Variants in VKORC1L1 observed in about 807,000 individuals in gnomAD.
VKORC1L1 encodes the protein vitamin K epoxide reductase complex subunit 1-like protein 1.
A neutral mutation model predicts 18.9 loss-of-function variants in VKORC1L1; 2 were observed. The observed-to-expected ratio is 0.11, with a 90% CI of 0.04 to 0.33. The LOEUF (loss-of-function observed/expected upper bound fraction) is 0.33. VKORC1L1 is among the 10% of genes least tolerant of loss of function. The pLI is 1.00. For synonymous variants in VKORC1L1, 96 were observed against 100.0 expected (o/e 0.96, Z 0.24); for missense variants, 123 against 224.1 (o/e 0.55, Z 2.88).
chr7:65,870,673 G>A (rs1317338741), upstream of VKORC1L1, among the ~76,000 whole-genome samples: 2 of 152,216 alleles, frequency 1.3e-5, no homozygotes, highest in African/African-American at 4.8e-5. Flanking sequence ...AAAGAAGCCA[G>A]ATGATCAAGA....
chr7:65,951,863 A>C (rs1045694870), intron 2 of VKORC1L1, among the ~76,000 whole-genome samples: 3 of 152,122 alleles, frequency 2.0e-5, no homozygotes, highest in Admixed American at 6.5e-5. Flanking sequence ...AAATGTCTTC[A>C]TTCTTTTCTA....
At chr7:65,951,644 C>T (rs544827968) in intron 2 of VKORC1L1, among the ~76,000 whole-genome samples, 1 of 152,036 alleles carries the variant, frequency 6.6e-6, no homozygotes, top group South Asian at 2.1e-4. Flanking sequence ...CACCCCTTCC[C>T]TTTATGCCTG....
the VKORC1L1 span, among the ~76,000 whole-genome samples, chr7:65,866,936 A>C: frequency 6.6e-6 from 1 of 151,974 alleles, no homozygotes; most frequent in Non-Finnish European, 1.5e-5. Context: ...CATGCCTGTA[A>C]TCCCAGCACT....
At chr7:65,877,185 T>G (rs954587436) in intron 1 of VKORC1L1, among the ~76,000 whole-genome samples, 1 of 152,238 alleles carries the variant, frequency 6.6e-6, no homozygotes, top group African/African-American at 2.4e-5. Flanking sequence ...TTTCCAGTGT[T>G]TGATAATAAA....
At chr7:65,879,650 C>T (rs965035962) in intron 1 of VKORC1L1, among the ~76,000 whole-genome samples, 9 of 151,476 alleles carry the variant, frequency 5.9e-5, no homozygotes, top group Admixed American at 2.6e-4. Context: ...ACTACTCTTT[C>T]GTCTTCCTTT....
At chr7:65,907,006 T>A (rs1264298383) in intron 1 of VKORC1L1, among the ~76,000 whole-genome samples, 1 of 152,166 alleles carries the variant, frequency 6.6e-6, no homozygotes, top group Non-Finnish European at 1.5e-5. Flanking sequence ...GTGTATTTAC[T>A]CAAAATAGGT....
chr7:65,894,041 G>A (rs760251558), intron 1 of VKORC1L1, among the ~76,000 whole-genome samples: 2 of 151,210 alleles, frequency 1.3e-5, no homozygotes, highest in Admixed American at 6.6e-5. Flanking sequence ...TGCAACCTCC[G>A]CCTCCCAGGT....
intron 1 of VKORC1L1, among the ~76,000 whole-genome samples, chr7:65,909,721 T>TGC (rs1789470507): frequency 5.3e-5 from 8 of 150,502 alleles, no homozygotes; most frequent in Admixed American, 4.7e-4. Context: ...TGTGTGTGTG[T>TGC]GTGTGTGTGT....
intron 1 of VKORC1L1, among the ~76,000 whole-genome samples, chr7:65,912,978 T>G (rs962393434): frequency 6.6e-6 from 1 of 152,134 alleles, no homozygotes; most frequent in Non-Finnish European, 1.5e-5. Context: ...TGAGTAGCAC[T>G]GTGGTAGTTA....
intron 1 of VKORC1L1, among the ~76,000 whole-genome samples, chr7:65,909,545 A>G (rs1180692402): frequency 6.6e-6 from 1 of 152,166 alleles, no homozygotes; most frequent in Non-Finnish European, 1.5e-5. Flanking sequence ...AGGTGAAGGA[A>G]ATAGATTTGG....
Position 65,954,563 on chromosome 7 carries a change from TGA to T in VKORC1L1, c.*264_*265del. ...ACTTTACTTTGAAGTGTTTCTGAAATGATAAAATGTAGCCCTAGCCCCCTGCC... is the reference window on the plus strand; with the variant it reads ...ACTTTACTTTGAAGTGTTTCTGAAATTAAAATGTAGCCCTAGCCCCCTGCC... On this transcript the variant is annotated 3_prime_UTR_variant, in exon 3 of 3. Transcript: ENST00000360768. The T allele has an allele frequency of 1.7e-6, 1 of 575,862 alleles. No homozygotes were observed. Among genetic ancestry groups the T allele is most frequent in the Non-Finnish European group, 2.8e-6 (1 of 360,594 alleles). 35.7% of individuals were successfully genotyped at this position (575,862 alleles called of 1,614,324 possible). A position where few individuals can be genotyped will look rare whatever the true frequency, so the allele number is the denominator to read the frequency against.
chr7:65,888,020 A>G (rs1442084164), intron 1 of VKORC1L1, among the ~76,000 whole-genome samples: 2 of 152,200 alleles, frequency 1.3e-5, no homozygotes, highest in African/African-American at 4.8e-5. Flanking sequence ...GGAACACATT[A>G]ATTACTATTT....
chr7:65,919,732 A>ATAC (rs1453085383), intron 1 of VKORC1L1, among the ~76,000 whole-genome samples: 1 of 152,162 alleles, frequency 6.6e-6, no homozygotes, highest in Non-Finnish European at 1.5e-5. Context: ...TCTATTTTCA[A>ATAC]TACTACAGCC....
At chr7:65,872,868 A>T (rs375918409), upstream of VKORC1L1, among the ~76,000 whole-genome samples, 57 of 152,110 alleles carry the variant, frequency 3.7e-4, 1 homozygote, top group East Asian at 9.1e-3. Flanking sequence ...GGGTTCGCCC[A>T]GTCACCCACA....
intron 1 of VKORC1L1, among the ~76,000 whole-genome samples, chr7:65,932,843 G>C (rs1360732258): frequency 6.6e-6 from 1 of 152,154 alleles, no homozygotes; most frequent in Non-Finnish European, 1.5e-5. Flanking sequence ...ACTTTGGGAG[G>C]CCAAGGCGGG....
chr7:65,930,983 T>C (rs1412711720), intron 1 of VKORC1L1, among the ~76,000 whole-genome samples: 1 of 152,248 alleles, frequency 6.6e-6, no homozygotes, highest in Non-Finnish European at 1.5e-5. Context: ...ATTGAGATGA[T>C]CATATGGTTT....
the VKORC1L1 span, among the ~76,000 whole-genome samples, chr7:65,867,538 G>A: frequency 6.6e-6 from 1 of 151,978 alleles, no homozygotes; most frequent in Non-Finnish European, 1.5e-5. Flanking sequence ...TGCAGTGGCT[G>A]GGGCTGGAGT....
chr7:65,889,705 T>C (rs1789078912), intron 1 of VKORC1L1, among the ~76,000 whole-genome samples: 1 of 152,226 alleles, frequency 6.6e-6, no homozygotes, highest in South Asian at 2.1e-4. Flanking sequence ...AAAAGTTACC[T>C]CTGTCCTGAC....
chr7:65,872,915 T>C (rs55773927), upstream of VKORC1L1, among the ~76,000 whole-genome samples: 77,082 of 149,946 alleles, frequency 0.51, 20,806 homozygotes, highest in East Asian at 0.81. Flanking sequence ...GACCGCTCCT[T>C]TAAGTCCCTC....
Sources: allele counts gnomAD v4.1 joint callset (sites outside exome capture counted in the v4.1 genomes callset), GRCh38; gene constraint gnomAD v4.1.1; transcripts MANE v1.5; gene names NCBI Gene and HGNC (gene_info 2026-07-23, HGNC 2026-07-21).